EIF3K: variants seen among roughly 807,000 people sequenced by gnomAD.
EIF3K encodes eukaryotic translation initiation factor 3 subunit K, also known as eIF-3 p28.
Under a neutral mutation model 34.2 loss-of-function variants are expected in EIF3K, and 27 were observed. The ratio of observed to expected loss-of-function variants is 0.79; its 90% CI spans 0.58 to 1.09. The LOEUF is 1.09. Among genes scored for constraint, EIF3K ranks in the 50% least tolerant of loss-of-function variants. EIF3K has a pLI of 0.00. For missense variants in EIF3K, 232 were observed against 275.4 expected (o/e 0.84, Z 1.11); for synonymous variants, 105 against 105.7 (o/e 0.99, Z 0.04).
At chr19:38,632,763 T>A (rs1458393176) in intron 6 of EIF3K, 85 bp downstream of exon 6, 2 of 1,287,816 alleles carry the variant, frequency 1.6e-6, no homozygotes, top group East Asian at 5.0e-5. Flanking sequence ...CCAACAGGCC[T>A]GTCTGGGTCT....
chr19:38,620,712 G>A (rs1334347858), intron 2 of EIF3K, among the ~76,000 whole-genome samples: 3 of 151,388 alleles, frequency 2.0e-5, no homozygotes, highest in East Asian at 3.9e-4. Context: ...TGGCCAACAC[G>A]GAGAAACCCC....
At chr19:38,624,313 G>A in intron 3 of EIF3K, 116 bp downstream of exon 3, 1 of 1,485,720 alleles carries the variant, frequency 6.7e-7, no homozygotes, top group Non-Finnish European at 9.0e-7. Flanking sequence ...GCCTGCTCTG[G>A]TCCAGCGTGG....
chr19:38,622,407 A>T (rs546064702), intron 2 of EIF3K, among the ~76,000 whole-genome samples: 3 of 152,370 alleles, frequency 2.0e-5, no homozygotes, highest in South Asian at 4.1e-4. Context: ...CTCACAAGCC[A>T]CAAAAACCAG....
intron 3 of EIF3K, among the ~76,000 whole-genome samples, chr19:38,625,546 G>A (rs559115586): frequency 2.2e-4 from 33 of 149,582 alleles, no homozygotes; most frequent in Non-Finnish European, 4.0e-4. Flanking sequence ...GTCTTGCTCT[G>A]TCATCCAGGC....
intron 3 of EIF3K, 30 bp from the exon 4 acceptor site, chr19:38,625,998 C>T (rs1290878961): frequency 2.5e-6 from 4 of 1,611,676 alleles, no homozygotes; most frequent in Non-Finnish European, 3.4e-6. Flanking sequence ...CGCTCCGAGG[C>T]CAGTTTTCCT....
At chr19:38,631,612 C>T (rs1976068213) in intron 4 of EIF3K, among the ~76,000 whole-genome samples, 1 of 152,168 alleles carries the variant, frequency 6.6e-6, no homozygotes, top group African/African-American at 2.4e-5. Context: ...AGACAGATGC[C>T]TTCCTCTTGT....
chr19:38,629,380 G>T (rs773184348), intron 4 of EIF3K, among the ~76,000 whole-genome samples: 10 of 152,056 alleles, frequency 6.6e-5, no homozygotes, highest in Non-Finnish European at 1.0e-4. Context: ...CTGCAGCTTT[G>T]ACCTCCCAGG....
intron 2 of EIF3K, among the ~76,000 whole-genome samples, chr19:38,622,001 A>G (rs1277373965): frequency 1.4e-5 from 2 of 139,494 alleles, no homozygotes; most frequent in Non-Finnish European, 3.0e-5. Context: ...AGCCTTCTGG[A>G]CTCAAGTGAT....
intron 4 of EIF3K, among the ~76,000 whole-genome samples, chr19:38,630,054 G>C (rs780346787): frequency 6.6e-6 from 1 of 152,162 alleles, no homozygotes; most frequent in African/African-American, 2.4e-5. Context: ...TCATGTAGCT[G>C]CCCTGGTCTC....
At chr19:38,625,519 T>C (rs1238293944) in intron 3 of EIF3K, among the ~76,000 whole-genome samples, 2 of 124,910 alleles carry the variant, frequency 1.6e-5, no homozygotes, top group Non-Finnish European at 1.5e-5. Flanking sequence ...TAATATTTTC[T>C]TTTTTTTTGA....
chr19:38,622,446 G>A (rs936011491), intron 2 of EIF3K, among the ~76,000 whole-genome samples: 5 of 152,224 alleles, frequency 3.3e-5, no homozygotes, highest in Non-Finnish European at 4.4e-5. Context: ...TTTCAAAAGG[G>A]GAGGGAGTGT....
At chr19:38,623,978 C>T (rs1251679296) in intron 2 of EIF3K, 99 bp from the exon 3 acceptor site, 1 of 1,569,456 alleles carries the variant, frequency 6.4e-7, no homozygotes, top group African/African-American at 1.3e-5. Flanking sequence ...CAGGCATGTC[C>T]AATTCCCAAA....
chr19:38,635,329 C>T lies in EIF3K; in HGVS notation c.625+211C>T, dbSNP rs1381120314. 5 of 679,714 alleles carry T rather than the reference C, an allele frequency of 7.4e-6. No homozygotes were observed. In the East Asian group the frequency reaches 1.4e-4, roughly 18 times the overall value. The allele number at this position is 679,714 out of a possible 1,614,324, so 42.1% of individuals were successfully genotyped here. ...TGATCTTCCCTGGAACTTCTAGGCC[C>T]TGTGTCCTGCCCCATAGCACTCAGC... On this transcript the variant is annotated intron_variant, in intron 7 of 7. Coordinates refer to ENST00000248342, the MANE Select transcript of EIF3K (RefSeq NM_013234.4).
intron 2 of EIF3K, 148 bp from the exon 3 acceptor site, chr19:38,623,929 G>A: frequency 3.1e-6 from 4 of 1,270,424 alleles, no homozygotes; most frequent in East Asian, 2.3e-5. Context: ...GGAGGTGAAG[G>A]TTACACAGCT....
rs1976173459 is a variant in EIF3K at position 38,635,607 on chromosome 19, C to CT, written c.625+491dup. On this transcript the variant is annotated intron_variant, in intron 7 of 7. Coordinates refer to ENST00000248342, the MANE Select transcript of EIF3K (RefSeq NM_013234.4). ...GATAAACACTGTGTAGGTCCTTACA[C>CT]TTACATCATTTGATCCTCAGTTGCT... The CT allele has an allele frequency of 4.6e-5, 8 of 173,150 alleles. No individual in the cohort carries two copies. In the South Asian group the frequency reaches 1.2e-3, roughly 27 times the overall value. 10.7% of individuals were successfully genotyped at this position (173,150 alleles called of 1,614,324 possible).
rs2144765475 is a variant in EIF3K at position 38,624,174 on chromosome 19, A to G, written c.256A>G (p.Lys86Glu). 6.2e-7 allele frequency: 1 copy of G among 1,614,192 alleles called. No homozygotes were observed. Among genetic ancestry groups the G allele is most frequent in the Non-Finnish European group, 8.5e-7 (1 of 1,180,018 alleles). Reference protein sequence around the residue: ...NLPHTDFTLCKCMIDQAHQEE... With the variant: ...NLPHTDFTLCECMIDQAHQEE... Reference sequence around the variant, plus strand: ...GCCGCACACAGACTTCACCCTGTGCAAGTGCATGATCGACCAGGCACATGT... The same window carrying G: ...GCCGCACACAGACTTCACCCTGTGCGAGTGCATGATCGACCAGGCACATGT... The change falls in exon 3 of 8, where the codon AAG (lysine) becomes GAG (glutamate). Residue 86 changes from lysine (K) to glutamate (E), a missense_variant. Physicochemically the swap from Lys to Glu is moderately conservative, Grantham distance 56. Transcript: ENST00000248342.
At chr19:38,634,090 CTTTTTTTTTTTTT>C (rs757394196) in intron 6 of EIF3K, among the ~76,000 whole-genome samples, 4 of 86,074 alleles carry the variant, frequency 4.6e-5, no homozygotes, top group African/African-American at 5.3e-5. Context: ...TAAAAGCTAA[CTTTTTTTTTTTTT>C]TTTTTTTTTT....
At chr19:38,634,418 G>A (rs964418561) in intron 6 of EIF3K, among the ~76,000 whole-genome samples, 1 of 151,548 alleles carries the variant, frequency 6.6e-6, no homozygotes, top group African/African-American at 2.4e-5. Flanking sequence ...GACCAACATG[G>A]AGAAACCCCA....
intron 7 of EIF3K, chr19:38,635,756 C>T (rs1322581965): frequency 1.3e-5 from 2 of 152,484 alleles, no homozygotes; most frequent in African/African-American, 2.4e-5. Flanking sequence ...ATCGTCTACA[C>T]ACATGTAACT....
Sources: gnomAD v4.1 joint callset for allele counts (sites outside exome capture counted in the v4.1 genomes callset) on GRCh38, gnomAD v4.1.1 for gene constraint, MANE v1.5 for transcripts, NCBI Gene and HGNC (gene_info 2026-07-23, HGNC 2026-07-21) for gene names.